Variants in DHX34 observed in about 807,000 individuals in gnomAD.
The protein encoded by DHX34 is DExH-box helicase 34, also known as probable ATP-dependent RNA helicase DHX34.
Under a neutral mutation model 111.1 loss-of-function variants are expected in DHX34, and 96 were observed. That is an observed-to-expected ratio of 0.86 (90% CI 0.73 to 1.02). The LOEUF is 1.02. Ranked by LOEUF, DHX34 falls within the 50% of genes least tolerant of loss-of-function variation. The pLI, the probability that DHX34 is intolerant of heterozygous loss-of-function variation, is 0.00. For synonymous variants in DHX34, 688 were observed against 670.4 expected, an observed-to-expected ratio of 1.03 and a Z score of -0.41; for missense variants, 1,560 against 1,579.9, an observed-to-expected ratio of 0.99 and a Z score of 0.21.
chr19:47,375,109 C>T (rs546471272), intron 9 of DHX34, among the ~76,000 whole-genome samples: 1 of 152,290 alleles, frequency 6.6e-6, no homozygotes, highest in South Asian at 2.1e-4. Flanking sequence ...CTAGATGCCC[C>T]AGGGCTACAC....
intron 2 of DHX34, 42 bp from the exon 3 acceptor site, chr19:47,354,997 G>A (rs1358818280): frequency 6.3e-7 from 1 of 1,597,340 alleles, no homozygotes; most frequent in Non-Finnish European, 8.6e-7. Flanking sequence ...CTGGTACCCA[G>A]GCTCAGGGTC....
At chr19:47,364,649 G>T (rs962776317) in intron 6 of DHX34, among the ~76,000 whole-genome samples, 1 of 152,000 alleles carries the variant, frequency 6.6e-6, no homozygotes, top group African/African-American at 2.4e-5. Flanking sequence ...GAGGCAGGAG[G>T]ATCGCTAGAG....
At chr19:47,361,074 C>T (rs1326386584) in intron 5 of DHX34, among the ~76,000 whole-genome samples, 1 of 152,220 alleles carries the variant, frequency 6.6e-6, no homozygotes, top group Non-Finnish European at 1.5e-5. Flanking sequence ...ACACTGGAGC[C>T]TGCCTGGCCA....
At chr19:47,366,242 C>T (rs1204591367) in intron 6 of DHX34, among the ~76,000 whole-genome samples, 6 of 152,126 alleles carry the variant, frequency 3.9e-5, no homozygotes, top group Non-Finnish European at 7.3e-5. Context: ...TTGCCTGCCT[C>T]TGCACAGTGG....
intron 9 of DHX34, among the ~76,000 whole-genome samples, chr19:47,374,282 C>A (rs1970063860): frequency 6.6e-6 from 1 of 151,884 alleles, no homozygotes. Flanking sequence ...TCTAAAAATA[C>A]AAAAATTAGC....
At chr19:47,357,696 C>G (rs1285621632) in intron 3 of DHX34, 170 bp from the exon 4 acceptor site, 3 of 962,518 alleles carry the variant, frequency 3.1e-6, no homozygotes, top group African/African-American at 3.5e-5. Context: ...AAGGAGAAGC[C>G]TGGATCCCTG....
chr19:47,357,499 C>T (rs1337941518), intron 3 of DHX34, among the ~76,000 whole-genome samples: 2 of 152,114 alleles, frequency 1.3e-5, no homozygotes, highest in Non-Finnish European at 2.9e-5. Flanking sequence ...ATGGCAATGT[C>T]TGGAGACATT....
chr19:47,379,475 C>G (rs1970279977), intron 13 of DHX34: 1 of 472,376 alleles, frequency 2.1e-6, no homozygotes, highest in Non-Finnish European at 2.8e-6. Flanking sequence ...TCCCAGCACG[C>G]TCCCATCTGC....
At chr19:47,373,067 GGGCCATGTCTCCATCAT>G in intron 8 of DHX34, 144 bp downstream of exon 8, 1 of 1,138,490 alleles carries the variant, frequency 8.8e-7, no homozygotes, top group Non-Finnish European at 1.2e-6. Context: ...TGCCTGGGGA[GGGCCATGTCTCCATCAT>G]CCATGCTTTC....
chr19:47,374,994 C>T (rs1970088794), intron 9 of DHX34, among the ~76,000 whole-genome samples: 1 of 152,158 alleles, frequency 6.6e-6, no homozygotes, highest in Non-Finnish European at 1.5e-5. Flanking sequence ...TCACAGGCAG[C>T]TGGAGGGTCT....
intron 9 of DHX34, 41 bp from the exon 10 acceptor site, chr19:47,375,425 A>G (rs1970105832): frequency 1.3e-6 from 2 of 1,538,030 alleles, no homozygotes; most frequent in Non-Finnish European, 1.7e-6. Context: ...GAGCCCACTG[A>G]GTCTGCCCTG....
chr19:47,376,239 C>T, intron 11 of DHX34, 142 bp downstream of exon 11: 1 of 1,430,186 alleles, frequency 7.0e-7, no homozygotes, highest in Non-Finnish European at 9.2e-7. Flanking sequence ...GGAGGACAGA[C>T]CCATCCCCAG....
At position 47,381,996 on chromosome 19, in the gene DHX34, C is replaced by T. The variant is rs745891002; in HGVS notation, c.3315C>T (p.Ala1105=). 9.3e-6 allele frequency: 15 copies of T among 1,614,090 alleles called. No homozygotes were observed. In the South Asian group the frequency reaches 1.2e-4, roughly 13 times the overall value. ...CTCCCTTAGGGGCTGAGGAAGCTGC[C>T]CTCGAAACCCTCCAGAAGACATCTG... ...QDGPPGAEEA[A]LETLQKTSVL... Residue 1105 remains alanine (A), a synonymous_variant, in exon 17 of 17, where the codon GCC becomes GCT. Transcript: ENST00000328771.
At position 47,352,866 on chromosome 19, in the gene DHX34, A is replaced by G; in HGVS notation, c.-165A>G. On this transcript the variant is annotated 5_prime_UTR_variant, in exon 2 of 17. Coordinates refer to ENST00000328771, the MANE Select transcript of DHX34 (RefSeq NM_014681.6). ...CAAGCAGGCCTCTGGCCACTTTATCATCTGTGGTGGTCCTGTGCCGTGACC... is the reference window on the plus strand; with the variant it reads ...CAAGCAGGCCTCTGGCCACTTTATCGTCTGTGGTGGTCCTGTGCCGTGACC... 1 of 1,401,304 alleles carries G rather than the reference A, an allele frequency of 7.1e-7. No homozygotes were observed. The highest frequency in any genetic ancestry group is 1.5e-5 in the South Asian group (1 of 64,798). 86.8% of individuals were successfully genotyped at this position (1,401,304 alleles called of 1,614,324 possible).
At chr19:47,354,006 A>G (rs1282656953) in intron 2 of DHX34, among the ~76,000 whole-genome samples, 1 of 152,184 alleles carries the variant, frequency 6.6e-6, no homozygotes, top group Non-Finnish European at 1.5e-5. Context: ...TCTGTGGCCC[A>G]GGCTGGAGTG....
intron 7 of DHX34, among the ~76,000 whole-genome samples, chr19:47,367,377 A>C (rs1167772104): frequency 6.6e-6 from 1 of 152,202 alleles, no homozygotes; most frequent in Non-Finnish European, 1.5e-5. Flanking sequence ...GGTGAAGAAG[A>C]CCAGCAATAC....
rs773530300 is a variant in DHX34 at position 47,379,843 on chromosome 19, G to A, written c.2840G>A (p.Arg947His). Residue 947 changes from arginine to histidine, a missense_variant, in exon 14 of 17, where the codon CGT (arginine) becomes CAT (histidine). Coordinates refer to ENST00000328771, the MANE Select transcript of DHX34 (RefSeq NM_014681.6). ...CTCCTGGCGGCTTCCCTGCGGCTCC[G>A]TGCCCGCTGGGAAAGTGCCCTGGAC... ...IRLLAASLRL[R>H]ARWESALDRQ... 73 of 1,613,786 alleles carry A rather than the reference G, an allele frequency of 4.5e-5. No individual in the cohort carries two copies. The highest frequency in any genetic ancestry group is 5.6e-5 in the Non-Finnish European group (66 of 1,179,848).
chr19:47,370,953 C>T (rs1180575557), intron 7 of DHX34, among the ~76,000 whole-genome samples: 3 of 152,228 alleles, frequency 2.0e-5, no homozygotes, highest in African/African-American at 7.2e-5. Context: ...GGATTACAGG[C>T]GTGAGCCCCT....
chr19:47,354,691 C>T (rs2086423541), intron 2 of DHX34, among the ~76,000 whole-genome samples: 1 of 152,116 alleles, frequency 6.6e-6, no homozygotes, highest in South Asian at 2.1e-4. Context: ...ACTCTTGTTG[C>T]CCAGGCTGGA....
Sources: allele counts gnomAD v4.1 joint callset (sites outside exome capture counted in the v4.1 genomes callset), GRCh38; gene constraint gnomAD v4.1.1; transcripts MANE v1.5; gene names NCBI Gene and HGNC (gene_info 2026-07-23, HGNC 2026-07-21).